The following MYO3A variants were observed in gnomAD, a reference collection of about 807,000 sequenced individuals.
MYO3A encodes myosin-IIIa.
MYO3A carries 180 observed loss-of-function variants against 192.7 expected under a neutral mutation model. The observed-to-expected ratio is 0.93, with a 90% CI of 0.83 to 1.06. The LOEUF (loss-of-function observed/expected upper bound fraction) is 1.06. MYO3A is among the 50% of genes least tolerant of loss of function. The pLI is 0.00. For synonymous variants in MYO3A, 628 were observed against 645.3 expected (o/e 0.97, Z 0.41); for missense variants, 1,896 against 1,905.0 (o/e 1.00, Z 0.09).
rs1434704482 is a variant in MYO3A, at chr10:26,057,721, T to C, written c.954-9254T>C. On this transcript the variant is annotated intron_variant, in intron 10 of 34. Coordinates refer to ENST00000642920, the MANE Select transcript of MYO3A (RefSeq NM_017433.5). Reference sequence around the variant, plus strand: ...AACACTGGAGCTGAAGAGAAGTCAATGGCTAATTGGATCTATTAGTCAGTG... The same window carrying C: ...AACACTGGAGCTGAAGAGAAGTCAACGGCTAATTGGATCTATTAGTCAGTG... Among the ~76,000 whole-genome samples, 4 of 152,224 alleles carry C rather than the reference T, an allele frequency of 2.6e-5. No individual in the cohort carries two copies. In the East Asian group the frequency reaches 7.7e-4, roughly 29 times the overall value.
intron 17 of MYO3A, among the ~76,000 whole-genome samples, chr10:26,108,900 A>G (rs1431022470): frequency 6.6e-6 from 1 of 152,144 alleles, no homozygotes; most frequent in Non-Finnish European, 1.5e-5. Flanking sequence ...TTGGTTGGAA[A>G]CTAGGGCCCT....
intron 14 of MYO3A, among the ~76,000 whole-genome samples, chr10:26,077,973 C>T (rs751235623): frequency 6.6e-5 from 10 of 151,746 alleles, no homozygotes; most frequent in Non-Finnish European, 1.2e-4. Context: ...TTGGTTATAT[C>T]CTTTCCTGGT....
intron 23 of MYO3A, among the ~76,000 whole-genome samples, chr10:26,149,733 G>A (rs1341093983): frequency 1.3e-5 from 2 of 151,916 alleles, no homozygotes; most frequent in Non-Finnish European, 2.9e-5. Flanking sequence ...ATACATTACT[G>A]TATATAATTA....
intron 14 of MYO3A, among the ~76,000 whole-genome samples, chr10:26,071,816 T>A (rs4548528): frequency 2.0e-5 from 3 of 151,994 alleles, no homozygotes; most frequent in Admixed American, 1.3e-4. Flanking sequence ...AAGAAAACAC[T>A]ATTACAAAAC....
chr10:26,060,523 G>A (rs571053085), intron 10 of MYO3A, among the ~76,000 whole-genome samples: 1 of 151,248 alleles, frequency 6.6e-6, no homozygotes, highest in East Asian at 1.9e-4. Context: ...TAAAGCCAAT[G>A]CCCTTCCAAA....
chr10:26,084,577 A>G (rs899498306), intron 14 of MYO3A, among the ~76,000 whole-genome samples: 18 of 152,156 alleles, frequency 1.2e-4, no homozygotes, highest in Non-Finnish European at 2.4e-4. Context: ...ATCACAGCTC[A>G]CTGCAGTGTC....
At chr10:26,072,098 A>C (rs1835242306) in intron 14 of MYO3A, among the ~76,000 whole-genome samples, 1 of 152,108 alleles carries the variant, frequency 6.6e-6, no homozygotes, top group Non-Finnish European at 1.5e-5. Context: ...CTTGCCCAAC[A>C]CTTATGAAAC....
At chr10:26,105,648 G>T (rs918234905) in intron 17 of MYO3A, among the ~76,000 whole-genome samples, 1 of 151,824 alleles carries the variant, frequency 6.6e-6, no homozygotes, top group African/African-American at 2.4e-5. Flanking sequence ...TGTATAATTT[G>T]TCTGTGACTT....
At chr10:26,077,994 G>A (rs1052190057) in intron 14 of MYO3A, among the ~76,000 whole-genome samples, 7 of 152,012 alleles carry the variant, frequency 4.6e-5, no homozygotes, top group Non-Finnish European at 8.8e-5. Context: ...TTTGGTATTA[G>A]GGTGATGCTG....
At chr10:26,209,819 G>A (rs1211500203) in intron 34 of MYO3A, among the ~76,000 whole-genome samples, 7 of 152,154 alleles carry the variant, frequency 4.6e-5, no homozygotes, top group Admixed American at 2.6e-4. Flanking sequence ...TCCTGGCCTG[G>A]CACTGTGGGT....
chr10:26,013,865 A>G (rs772890851), intron 6 of MYO3A, among the ~76,000 whole-genome samples: 1 of 152,184 alleles, frequency 6.6e-6, no homozygotes, highest in Non-Finnish European at 1.5e-5. Flanking sequence ...AAGATGTGGG[A>G]CCAACCTAAG....
chr10:26,114,244 A>G (rs2176940), intron 17 of MYO3A, among the ~76,000 whole-genome samples: 72,996 of 151,864 alleles, frequency 0.48, 18,249 homozygotes, highest in Middle Eastern at 0.59. Flanking sequence ...CTACTTTGAG[A>G]TCTGGTCATT....
At chr10:25,979,413 A>G (rs78955205) in intron 4 of MYO3A, among the ~76,000 whole-genome samples, 1 of 134,336 alleles carries the variant, frequency 7.4e-6, no homozygotes, top group East Asian at 2.0e-4. Flanking sequence ...TTCTATTACC[A>G]AAAAAAAAAA....
At chr10:25,969,095 C>T (rs562292250) in intron 4 of MYO3A, among the ~76,000 whole-genome samples, 11 of 152,108 alleles carry the variant, frequency 7.2e-5, no homozygotes, top group Non-Finnish European at 1.0e-4. Context: ...AAAAATTAGC[C>T]GGGTGAGGTG....
At chr10:26,054,668 C>A (rs142403937) in intron 10 of MYO3A, among the ~76,000 whole-genome samples, 248 of 152,200 alleles carry the variant, frequency 1.6e-3, no homozygotes, top group African/African-American at 5.9e-3. Context: ...CATAAGAGTC[C>A]TTATAAGACA....
intron 33 of MYO3A, among the ~76,000 whole-genome samples, chr10:26,201,629 T>C (rs1843680481): frequency 6.8e-6 from 1 of 148,120 alleles, no homozygotes; most frequent in African/African-American, 2.5e-5. Flanking sequence ...GAGCTTGCCG[T>C]GAGCCGAGAT....
intron 23 of MYO3A, among the ~76,000 whole-genome samples, chr10:26,149,182 A>G (rs1226563523): frequency 6.6e-6 from 1 of 150,878 alleles, no homozygotes; most frequent in Non-Finnish European, 1.5e-5. Flanking sequence ...TTTAATTCCT[A>G]ATTTCCTGAA....
At chr10:26,039,792 G>T (rs1344519144) in intron 10 of MYO3A, among the ~76,000 whole-genome samples, 2 of 151,844 alleles carry the variant, frequency 1.3e-5, no homozygotes, top group Non-Finnish European at 2.9e-5. Flanking sequence ...CTGGCTAAAG[G>T]TTTGTCAATT....
chr10:26,050,448 C>T (rs1843922269), intron 10 of MYO3A, among the ~76,000 whole-genome samples: 2 of 152,162 alleles, frequency 1.3e-5, no homozygotes, highest in Admixed American at 1.3e-4. Context: ...TCTGGTAATA[C>T]AGCTCTATAT....
Sources: allele counts gnomAD v4.1 joint callset (sites outside exome capture counted in the v4.1 genomes callset), GRCh38; gene constraint gnomAD v4.1.1; transcripts MANE v1.5; gene names NCBI Gene and HGNC (gene_info 2026-07-23, HGNC 2026-07-21).